Variants in TGFBRAP1 observed in about 807,000 individuals in gnomAD.
TGFBRAP1 encodes transforming growth factor-beta receptor-associated protein 1.
TGFBRAP1 carries 20 observed loss-of-function variants against 83.2 expected under a neutral mutation model. The ratio of observed to expected loss-of-function variants is 0.24; its 90% CI spans 0.17 to 0.35. The LOEUF is 0.35. Among genes scored for constraint, TGFBRAP1 ranks in the 10% least tolerant of loss-of-function variants. The pLI is 1.00. For missense variants in TGFBRAP1, 950 were observed against 1,099.4 expected (o/e 0.86, Z 1.92); for synonymous variants, 415 against 459.8 (o/e 0.90, Z 1.25).
intron 1 of TGFBRAP1, among the ~76,000 whole-genome samples, chr2:105,318,966 C>T (rs1000937562): frequency 6.6e-6 from 1 of 152,122 alleles, no homozygotes; most frequent in African/African-American, 2.4e-5. Context: ...TACTATCTTA[C>T]TCTTCTTTCC....
At chr2:105,297,729 G>A (rs993912920) in intron 3 of TGFBRAP1, among the ~76,000 whole-genome samples, 3 of 152,196 alleles carry the variant, frequency 2.0e-5, no homozygotes, top group Non-Finnish European at 2.9e-5. Flanking sequence ...TTTCAGGTGT[G>A]AAAATGGCAT....
chr2:105,273,384 G>A (rs1456788338), intron 9 of TGFBRAP1, among the ~76,000 whole-genome samples, 160 bp downstream of exon 9: 1 of 152,270 alleles, frequency 6.6e-6, no homozygotes, highest in East Asian at 1.9e-4. Flanking sequence ...ATTGCTCCAG[G>A]TCTCTTTCCG....
At chr2:105,275,801 T>G in intron 7 of TGFBRAP1, 98 bp from the exon 8 acceptor site, 1 of 1,317,820 alleles carries the variant, frequency 7.6e-7, no homozygotes, top group Non-Finnish European at 1.0e-6. Flanking sequence ...TATGTTTACT[T>G]ATTTGGCTTT....
chr2:105,267,115 T>C lies in TGFBRAP1; in HGVS notation c.*268A>G. The C allele has an allele frequency of 2.2e-6, 1 of 445,704 alleles. No homozygotes were observed. Among genetic ancestry groups the C allele is most frequent in the Non-Finnish European group, 4.0e-6 (1 of 251,706 alleles). 27.6% of individuals were successfully genotyped at this position (445,704 alleles called of 1,614,324 possible). On this transcript the variant is annotated 3_prime_UTR_variant, in exon 12 of 12. Transcript: ENST00000393359. ...TAGACCTCTGTCTTGGATTACTATGTACCTGGACAGGTGAACTCTTGTATG... is the reference window on the plus strand; with the variant it reads ...TAGACCTCTGTCTTGGATTACTATGCACCTGGACAGGTGAACTCTTGTATG...
chr2:105,280,652 G>A lies in TGFBRAP1; in HGVS notation c.1193C>T (p.Thr398Ile), dbSNP rs145305337. Reference sequence around the variant, plus strand: ...CTCATGAAGAGGAGGGTGGGACCGGGTGAAGGAGGAGGAGGTGGGCAACAG... The same window carrying A: ...CTCATGAAGAGGAGGGTGGGACCGGATGAAGGAGGAGGAGGTGGGCAACAG... The part of the protein sequence containing the change: ...PFLLPTSSSF[T>I]RSHPPLHEYA... The change falls in exon 6 of 12, where the codon ACC becomes ATC. Residue 398 changes from threonine to isoleucine, a missense_variant. By Grantham distance (89) the Thr-to-Ile change is moderately conservative. Transcript: ENST00000393359. 2 of 1,614,066 alleles carry A rather than the reference G, an allele frequency of 1.2e-6. No individual in the cohort carries two copies. Among genetic ancestry groups the A allele is most frequent in the East Asian group, 2.2e-5 (1 of 44,890 alleles).
rs1235722115 is a variant in TGFBRAP1 at position 105,266,533 on chromosome 2, G to C, written c.*850C>G. On this transcript the variant is annotated 3_prime_UTR_variant, in exon 12 of 12. Transcript: ENST00000393359. ...TTTAGTTCAACGTGTTCGTCATGGAGTTTCAAATCAGCAGATGCCATGACA... is the reference window on the plus strand; with the variant it reads ...TTTAGTTCAACGTGTTCGTCATGGACTTTCAAATCAGCAGATGCCATGACA... 1 of 152,264 alleles carries C rather than the reference G, an allele frequency of 6.6e-6. No individual in the cohort carries two copies. Among genetic ancestry groups the C allele is most frequent in the African/African-American group, 2.4e-5 (1 of 41,466 alleles). The allele number at this position is 152,264 out of a possible 1,614,324, so 9.4% of individuals were successfully genotyped here.
At chr2:105,314,142 A>C (rs1339123984) in intron 1 of TGFBRAP1, among the ~76,000 whole-genome samples, 3 of 152,156 alleles carry the variant, frequency 2.0e-5, no homozygotes, top group African/African-American at 4.8e-5. Flanking sequence ...GAGATCTATA[A>C]GCTAAGGAAT....
At chr2:105,323,915 C>T (rs1305995893) in intron 1 of TGFBRAP1, among the ~76,000 whole-genome samples, 1 of 152,128 alleles carries the variant, frequency 6.6e-6, no homozygotes, top group African/African-American at 2.4e-5. Flanking sequence ...TCTCGAATCC[C>T]CCATGGGAAT....
chr2:105,255,003 C>G, the TGFBRAP1 span, among the ~76,000 whole-genome samples: 48 of 152,154 alleles, frequency 3.2e-4, no homozygotes, highest in African/African-American at 1.1e-3. Flanking sequence ...TTTCTGTTGC[C>G]TAAGTCTGCA....
At chr2:105,290,725 C>T (rs115748336) in intron 4 of TGFBRAP1, among the ~76,000 whole-genome samples, 203 of 151,496 alleles carry the variant, frequency 1.3e-3, no homozygotes, top group African/African-American at 4.7e-3. Context: ...CCAAAACCAG[C>T]TGGGCAAGGT....
chr2:105,309,784 C>T (rs890860149), intron 1 of TGFBRAP1, among the ~76,000 whole-genome samples: 4 of 152,110 alleles, frequency 2.6e-5, no homozygotes, highest in Non-Finnish European at 5.9e-5. Context: ...GTCTGTGTCC[C>T]CCTAAAATTC....
the TGFBRAP1 span, among the ~76,000 whole-genome samples, chr2:105,258,042 A>C: frequency 6.6e-6 from 1 of 152,232 alleles, no homozygotes; most frequent in East Asian, 1.9e-4. Context: ...CCTTTGCATG[A>C]AACACAGTTC....
chr2:105,319,980 T>A (rs1170016857), intron 1 of TGFBRAP1, among the ~76,000 whole-genome samples: 10 of 151,974 alleles, frequency 6.6e-5, no homozygotes, highest in Admixed American at 6.6e-4. Context: ...CCTAATCTGG[T>A]ACAGAGATAA....
At chr2:105,270,282 C>A (rs1222587858) in intron 10 of TGFBRAP1, among the ~76,000 whole-genome samples, 2 of 152,162 alleles carry the variant, frequency 1.3e-5, no homozygotes, top group Non-Finnish European at 2.9e-5. Context: ...GTTTCACCTG[C>A]AATTAAGCTT....
chr2:105,257,217 G>A, the TGFBRAP1 span, among the ~76,000 whole-genome samples: 14 of 152,152 alleles, frequency 9.2e-5, no homozygotes, highest in Admixed American at 5.9e-4. Flanking sequence ...GTCTGGATCC[G>A]GACCCCTTTC....
intron 4 of TGFBRAP1, among the ~76,000 whole-genome samples, chr2:105,291,050 G>A (rs1047922640): frequency 2.0e-5 from 3 of 152,092 alleles, no homozygotes; most frequent in Non-Finnish European, 4.4e-5. Flanking sequence ...AGGTATCTGG[G>A]AAGGTGGTGG....
intron 1 of TGFBRAP1, among the ~76,000 whole-genome samples, chr2:105,309,112 C>T (rs913826409): frequency 6.6e-5 from 10 of 152,224 alleles, no homozygotes; most frequent in South Asian, 4.1e-4. Flanking sequence ...CACACTAGCC[C>T]GTCGCCTCCT....
intron 10 of TGFBRAP1, 137 bp downstream of exon 10, chr2:105,272,718 T>C: frequency 8.4e-7 from 1 of 1,186,584 alleles, no homozygotes. Context: ...TTTAAAAAAA[T>C]CTTTTTAAAA....
At position 105,267,017 on chromosome 2, in the gene TGFBRAP1, G is replaced by A. The variant is rs1464538450; in HGVS notation, c.*366C>T. The A allele has an allele frequency of 5.1e-6, 1 of 195,482 alleles. No individual in the cohort carries two copies. Among genetic ancestry groups the A allele is most frequent in the East Asian group, 1.1e-4 (1 of 8,716 alleles). 12.1% of individuals were successfully genotyped at this position (195,482 alleles called of 1,614,324 possible). ...CAAACATGAGTCTAAAGGTTGGAGT[G>A]TGGGGGTGGTGGGGGATCCCCCACC... is the stretch of plus-strand genomic sequence containing the variant. On this transcript the variant is annotated 3_prime_UTR_variant, in exon 12 of 12. Coordinates refer to ENST00000393359, the MANE Select transcript of TGFBRAP1 (RefSeq NM_004257.6).
Sources: gnomAD v4.1 joint callset for allele counts (sites outside exome capture counted in the v4.1 genomes callset) on GRCh38, gnomAD v4.1.1 for gene constraint, MANE v1.5 for transcripts, NCBI Gene and HGNC (gene_info 2026-07-23, HGNC 2026-07-21) for gene names.